Variants in ROBO2 observed in about 807,000 individuals in gnomAD.
ROBO2 encodes the protein roundabout guidance receptor 2.
Under a neutral mutation model 160.8 loss-of-function variants are expected in ROBO2, and 53 were observed. That is an observed-to-expected ratio of 0.33 (90% CI 0.26 to 0.41). The LOEUF is 0.41. ROBO2 is among the 10% of genes least tolerant of loss of function. The pLI is 1.00. For synonymous variants in ROBO2, 664 were observed against 611.7 expected, an observed-to-expected ratio of 1.09 and a Z score of -1.26; for missense variants, 1,577 against 1,722.4, an observed-to-expected ratio of 0.92 and a Z score of 1.49.
rs1491226089 is a variant in ROBO2 at position 76,834,093 on chromosome 3, T to TCTTTCTTTCTTC, written c.110-263910_110-263909insCCTTTCTTTCTT. On this transcript the variant is annotated intron_variant, in intron 2 of 26. Transcript: ENST00000487694. ...TTCTTTCTTTCTTTCTTTCTTTCTT[T>TCTTTCTTTCTTC]CTTTCTTTCTTTCTTTCTTTCTCTC... Among the ~76,000 whole-genome samples, 9 of 147,664 alleles carry TCTTTCTTTCTTC rather than the reference T, an allele frequency of 6.1e-5. 2 individuals are homozygous for TCTTTCTTTCTTC. Among genetic ancestry groups the TCTTTCTTTCTTC allele is most frequent in the African/African-American group, 2.3e-4 (9 of 39,972 alleles).
At chr3:77,030,039 A>C (rs1334000173) in intron 2 of ROBO2, among the ~76,000 whole-genome samples, 2 of 150,680 alleles carry the variant, frequency 1.3e-5, no homozygotes, top group Non-Finnish European at 2.9e-5. Context: ...TCCGCCTCCC[A>C]GTTCACGCCT....
At chr3:76,140,910 C>T (rs139048920) in intron 2 of ROBO2, among the ~76,000 whole-genome samples, 8 of 146,434 alleles carry the variant, frequency 5.5e-5, no homozygotes, top group African/African-American at 1.5e-4. Flanking sequence ...GAAACGGAAA[C>T]AATGATTAAT....
At chr3:77,033,947 G>T (rs1389707424) in intron 2 of ROBO2, among the ~76,000 whole-genome samples, 1 of 151,630 alleles carries the variant, frequency 6.6e-6, no homozygotes, top group African/African-American at 2.4e-5. Context: ...TGACGTGAGG[G>T]GTTCTATAAA....
At chr3:76,670,283 G>A (rs556702391) in intron 2 of ROBO2, among the ~76,000 whole-genome samples, 1 of 147,658 alleles carries the variant, frequency 6.8e-6, no homozygotes, top group South Asian at 2.1e-4. Context: ...GTTTTAATAA[G>A]TTTTATTTAA....
chr3:77,400,989 G>A (rs2075744752), intron 2 of ROBO2, among the ~76,000 whole-genome samples: 1 of 151,382 alleles, frequency 6.6e-6, no homozygotes, highest in South Asian at 2.1e-4. Context: ...TTCCTGGGAG[G>A]GTTCTTGCAA....
At chr3:76,261,049 A>G (rs1185140963) in intron 2 of ROBO2, among the ~76,000 whole-genome samples, 3 of 152,096 alleles carry the variant, frequency 2.0e-5, no homozygotes, top group Non-Finnish European at 2.9e-5. Context: ...TGGGGAAGGA[A>G]CAACTAGATA....
intron 2 of ROBO2, among the ~76,000 whole-genome samples, chr3:76,999,248 T>A (rs2061204844): frequency 6.6e-6 from 1 of 152,036 alleles, no homozygotes; most frequent in African/African-American, 2.4e-5. Context: ...TTACTCAGAC[T>A]CAGGATTAGT....
chr3:76,143,777 G>C (rs1027320395), intron 2 of ROBO2, among the ~76,000 whole-genome samples: 1 of 152,002 alleles, frequency 6.6e-6, no homozygotes, highest in South Asian at 2.1e-4. Context: ...CAGTTACTGA[G>C]GCTAAGTCCC....
chr3:76,016,407 C>T lies in ROBO2; in HGVS notation c.109+78805C>T, dbSNP rs115371796. ...ACAAGAATGAGATTTGGCATGAAAT[C>T]TCTGTCAGTATATCTCGTATCAGTG... On this transcript the variant is annotated intron_variant, in intron 2 of 26. Coordinates refer to the ROBO2 transcript ENST00000487694. Among the ~76,000 whole-genome samples the T allele has an allele frequency of 5.8e-3, 881 of 151,622 alleles. 4 individuals carry two copies. The highest frequency in any genetic ancestry group is 9.6e-3 in the Non-Finnish European group (652 of 67,878).
intron 2 of ROBO2, among the ~76,000 whole-genome samples, chr3:76,503,353 A>T (rs969729783): frequency 3.3e-5 from 5 of 152,156 alleles, no homozygotes; most frequent in African/African-American, 1.2e-4. Flanking sequence ...GGCAACACCC[A>T]CACTGAAACA....
chr3:77,444,114 T>A (rs909223701), intron 2 of ROBO2, among the ~76,000 whole-genome samples: 3 of 152,188 alleles, frequency 2.0e-5, no homozygotes, highest in Admixed American at 2.0e-4. Flanking sequence ...TATTCAACAT[T>A]TCCCTCTAAG....
intron 2 of ROBO2, among the ~76,000 whole-genome samples, chr3:77,205,287 C>A (rs1560230134): frequency 6.6e-6 from 1 of 151,870 alleles, no homozygotes; most frequent in South Asian, 2.1e-4. Flanking sequence ...GGGAGCTGGG[C>A]GGGGGCAATG....
intron 2 of ROBO2, among the ~76,000 whole-genome samples, chr3:76,254,171 T>C (rs189160884): frequency 7.4e-4 from 112 of 152,238 alleles, no homozygotes; most frequent in African/African-American, 2.6e-3. Context: ...TGTAGTGATA[T>C]GAATTTGAGA....
At chr3:76,458,581 C>A (rs184484659) in intron 2 of ROBO2, among the ~76,000 whole-genome samples, 8 of 152,252 alleles carry the variant, frequency 5.3e-5, no homozygotes, top group Admixed American at 5.2e-4. Flanking sequence ...TTTTGGGTAT[C>A]TTTTCAGCAA....
intron 2 of ROBO2, among the ~76,000 whole-genome samples, chr3:75,951,230 G>A (rs149509254): frequency 6.6e-6 from 1 of 152,126 alleles, no homozygotes; most frequent in Non-Finnish European, 1.5e-5. Context: ...ACCTATCAAT[G>A]ATGTTCAGTG....
chr3:76,979,199 C>T (rs1357653406), intron 2 of ROBO2, among the ~76,000 whole-genome samples: 1 of 152,102 alleles, frequency 6.6e-6, no homozygotes, highest in Admixed American at 6.6e-5. Flanking sequence ...CTGCCTCAGC[C>T]TCTCAAAGTG....
At chr3:76,215,747 T>C (rs890709424) in intron 2 of ROBO2, among the ~76,000 whole-genome samples, 2 of 152,146 alleles carry the variant, frequency 1.3e-5, no homozygotes, top group Non-Finnish European at 2.9e-5. Context: ...CAGGTTATTA[T>C]CCAGGAGAAC....
intron 2 of ROBO2, among the ~76,000 whole-genome samples, chr3:77,221,249 G>A (rs1167640126): frequency 4.6e-5 from 7 of 152,114 alleles, no homozygotes; most frequent in African/African-American, 7.2e-5. Flanking sequence ...ATGTGGTTCC[G>A]TAAGCTGACA....
chr3:76,034,337 C>T (rs917125562), intron 2 of ROBO2, among the ~76,000 whole-genome samples: 4 of 152,050 alleles, frequency 2.6e-5, no homozygotes, highest in African/African-American at 4.8e-5. Context: ...TCTCCTTCTC[C>T]TCAAGTAGCT....
Sources: allele counts gnomAD v4.1 joint callset (sites outside exome capture counted in the v4.1 genomes callset), GRCh38; gene constraint gnomAD v4.1.1; transcripts MANE v1.5; gene names NCBI Gene and HGNC (gene_info 2026-07-23, HGNC 2026-07-21).